The following MIPEP variants were observed in gnomAD, a reference collection of about 807,000 sequenced individuals.
MIPEP encodes the protein mitochondrial intermediate peptidase.
Under a neutral mutation model 90.3 loss-of-function variants are expected in MIPEP, and 79 were observed. The ratio of observed to expected loss-of-function variants is 0.87; its 90% confidence interval spans 0.73 to 1.05. The LOEUF is 1.05. Ranked by LOEUF, MIPEP falls within the 50% of genes least tolerant of loss-of-function variation. The probability of loss-of-function intolerance (pLI) is 0.00; values close to 1 mark genes in which losing one functional copy is unlikely to be tolerated. For synonymous variants in MIPEP, 334 were observed against 315.8 expected (o/e 1.06, Z -0.61); for missense variants, 940 against 905.6 (o/e 1.04, Z -0.49).
At chr13:23,779,452 C>T (rs1265808330) in intron 16 of MIPEP, among the ~76,000 whole-genome samples, 4 of 152,020 alleles carry the variant, frequency 2.6e-5, no homozygotes, top group Non-Finnish European at 5.9e-5. Context: ...AAAACAAATA[C>T]ATTTAAAAAG....
Position 23,862,318 on chromosome 13 carries a change from A to G in MIPEP, c.1037T>C (p.Leu346Pro), listed in dbSNP as rs770388174. 3 of 1,576,690 alleles carry G rather than the reference A, an allele frequency of 1.9e-6. No homozygotes were observed. The highest frequency in any genetic ancestry group is 2.6e-6 in the Non-Finnish European group (3 of 1,152,480). The change falls in exon 9 of 19, where the codon CTG becomes CCG. Residue 346 changes from leucine to proline, a missense_variant. Physicochemically the swap from Leu to Pro is moderately conservative, Grantham distance 98 (BLOSUM62 -3). Transcript: ENST00000382172. ...CATACTTACGGAATTTTGAGGATTCAGTTTCATTTTCATCCCTCGTATCAT... is the reference window on the plus strand; with the variant it reads ...CATACTTACGGAATTTTGAGGATTCGGTTTCATTTTCATCCCTCGTATCAT... ...FEMIRGMKMK[L>P]NPQNSEVMPW...
chr13:23,748,615 T>C (rs1170579786), intron 18 of MIPEP, among the ~76,000 whole-genome samples: 1 of 152,224 alleles, frequency 6.6e-6, no homozygotes. Context: ...ATGCTAGTAG[T>C]TTTAAATCAT....
At chr13:23,809,739 T>C (rs994994549) in intron 15 of MIPEP, 111 bp downstream of exon 15, 4 of 709,954 alleles carry the variant, frequency 5.6e-6, no homozygotes, top group Non-Finnish European at 9.1e-6. Flanking sequence ...TGAAAGATGT[T>C]TTAGAAGCAT....
chr13:23,764,947 T>G (rs1952579046), intron 16 of MIPEP, among the ~76,000 whole-genome samples: 1 of 152,276 alleles, frequency 6.6e-6, no homozygotes, highest in Admixed American at 6.5e-5. Context: ...ATGATTTTTA[T>G]CACTGGAACA....
At chr13:23,838,132 T>C (rs1869136543) in intron 12 of MIPEP, among the ~76,000 whole-genome samples, 1 of 152,074 alleles carries the variant, frequency 6.6e-6, no homozygotes, top group South Asian at 2.1e-4. Flanking sequence ...GTACTTTCCA[T>C]GTCTCTTGGC....
chr13:23,862,253 C>T, intron 9 of MIPEP, 49 bp downstream of exon 9: 3 of 1,103,536 alleles, frequency 2.7e-6, no homozygotes, highest in Non-Finnish European at 2.7e-6. Flanking sequence ...ATATTGATTT[C>T]AGTTGACAGA....
chr13:23,769,771 C>T (rs9553058), intron 16 of MIPEP, among the ~76,000 whole-genome samples: 106,148 of 152,104 alleles, frequency 0.7, 39,687 homozygotes, highest in Non-Finnish European at 0.83. Flanking sequence ...TGGTCCCTTC[C>T]AAAACTCATG....
chr13:23,832,654 C>G (rs906489236), intron 14 of MIPEP, among the ~76,000 whole-genome samples: 1 of 152,050 alleles, frequency 6.6e-6, no homozygotes, highest in African/African-American at 2.4e-5. Context: ...AAACAATGAC[C>G]TCTGGGTCCT....
intron 10 of MIPEP, among the ~76,000 whole-genome samples, chr13:23,857,766 C>T (rs1448905733): frequency 6.6e-6 from 1 of 152,046 alleles, no homozygotes; most frequent in Non-Finnish European, 1.5e-5. Context: ...CTTAGGCTAC[C>T]TCATCCTGCT....
chr13:23,840,037 G>A (rs1180664636), intron 11 of MIPEP, among the ~76,000 whole-genome samples: 1 of 152,180 alleles, frequency 6.6e-6, no homozygotes, highest in South Asian at 2.1e-4. Flanking sequence ...AGAAGTGCTG[G>A]CTGGACAATT....
intron 16 of MIPEP, among the ~76,000 whole-genome samples, chr13:23,791,264 A>T (rs1221188092): frequency 6.6e-6 from 1 of 152,190 alleles, no homozygotes; most frequent in South Asian, 2.1e-4. Flanking sequence ...GGCCAGGAAA[A>T]GCACACAACC....
chr13:23,839,603 A>C, intron 12 of MIPEP, 46 bp downstream of exon 12: 1 of 1,291,432 alleles, frequency 7.7e-7, no homozygotes, highest in Non-Finnish European at 1.1e-6. Flanking sequence ...ATACAAATGA[A>C]ATGCCGATCG....
At position 23,805,787 on chromosome 13, in the gene MIPEP, G is replaced by C. The variant is rs9553070; in HGVS notation, c.1848+163C>G. On this transcript the variant is annotated intron_variant, in intron 16 of 18. Transcript: ENST00000382172. ...AATAAGAACATATAAATGGGTAGTT[G>C]GAAATATTAAATGAACCAGGCAATT... 1.7e-3 allele frequency among the ~76,000 whole-genome samples: 258 copies of C among 152,280 alleles called. 3 individuals carry two copies. In the East Asian group the frequency reaches 0.038, roughly 23 times the overall value.
In MIPEP at chr13:23,751,003, C is replaced by T. The variant is rs149496011; in HGVS notation, c.2044+5542G>A. ...TCATCTTCTGTCTTCCTTGTTCCAG[C>T]CCTGGAATCAGCCATTTCTCCAAGG... On this transcript the variant is annotated intron_variant, in intron 18 of 18. Transcript: ENST00000382172. Among the ~76,000 whole-genome samples, 372 of 152,232 alleles carry T rather than the reference C, an allele frequency of 2.4e-3. 2 individuals carry two copies. In the South Asian group the frequency reaches 0.026, roughly 11 times the overall value.
chr13:23,887,637 T>C (rs1347905968), intron 1 of MIPEP, among the ~76,000 whole-genome samples: 1 of 152,126 alleles, frequency 6.6e-6, no homozygotes, highest in Non-Finnish European at 1.5e-5. Context: ...CAATAGAATG[T>C]CTAACACATG....
At chr13:23,824,362 T>C (rs986799334) in intron 14 of MIPEP, among the ~76,000 whole-genome samples, 2 of 152,232 alleles carry the variant, frequency 1.3e-5, no homozygotes, top group Non-Finnish European at 2.9e-5. Flanking sequence ...AGAAGCTGCA[T>C]ATATATTAAC....
chr13:23,872,335 C>A (rs966890172), intron 5 of MIPEP, among the ~76,000 whole-genome samples: 1 of 152,124 alleles, frequency 6.6e-6, no homozygotes, highest in Non-Finnish European at 1.5e-5. Context: ...GTGGCACATG[C>A]CTGTAATCCC....
At chr13:23,762,032 G>A (rs1440615690) in intron 16 of MIPEP, among the ~76,000 whole-genome samples, 1 of 152,128 alleles carries the variant, frequency 6.6e-6, no homozygotes, top group Non-Finnish European at 1.5e-5. Flanking sequence ...AGCTGAAGCA[G>A]GAGAACTGCT....
At chr13:23,792,758 T>G (rs1200863294) in intron 16 of MIPEP, among the ~76,000 whole-genome samples, 1 of 152,204 alleles carries the variant, frequency 6.6e-6, no homozygotes, top group African/African-American at 2.4e-5. Flanking sequence ...CCACATTCCA[T>G]CTGTCAGTCC....
Sources: allele counts gnomAD v4.1 joint callset (sites outside exome capture counted in the v4.1 genomes callset), GRCh38; gene constraint gnomAD v4.1.1; transcripts MANE v1.5; gene names NCBI Gene and HGNC (gene_info 2026-07-23, HGNC 2026-07-21).